MKKS: variants seen among roughly 807,000 people sequenced by gnomAD.
MKKS encodes MKKS centrosomal shuttling protein.
In MKKS, 29 loss-of-function variants were observed where a neutral mutation model predicts 33.2. The observed-to-expected ratio is 0.87, with a 90% CI of 0.65 to 1.19. The LOEUF (loss-of-function observed/expected upper bound fraction) is 1.19, where lower values mean the gene tolerates loss of function less well. MKKS is among the 50% of genes most tolerant of loss of function. The pLI is 0.00. For missense variants in MKKS, 661 were observed against 662.3 expected (o/e 1.00, Z 0.02); for synonymous variants, 260 against 244.0 (o/e 1.07, Z -0.61).
At position 10,405,558 on chromosome 20, in the gene MKKS, TTTCACCTCCATCATGTTCTAAA is replaced by T; in HGVS notation, c.1380_1401del (p.Leu461PhefsTer5). On this transcript the variant is annotated frameshift_variant, in exon 6 of 6. Transcript: ENST00000347364. LOFTEE classifies it high-confidence loss of function. ...TGTCCATACTTCATGTCAGTGAGAA[TTTCACCTCCATCATGTTCTAAA>T]GAGCCAACAACAGATTCTAGGGCAC... The T allele has an allele frequency of 6.2e-7, 1 of 1,614,152 alleles. No homozygotes were observed. The highest frequency in any genetic ancestry group is 8.5e-7 in the Non-Finnish European group (1 of 1,180,018).
chr20:10,414,737 T>C (rs1401666651), intron 2 of MKKS, among the ~76,000 whole-genome samples: 1 of 152,210 alleles, frequency 6.6e-6, no homozygotes, highest in Admixed American at 6.5e-5. Flanking sequence ...GCTGTTGGCA[T>C]GTCTACTGCA....
chr20:10,433,101 T>G (rs914460843), intron 1 of MKKS, among the ~76,000 whole-genome samples: 1 of 152,226 alleles, frequency 6.6e-6, no homozygotes, highest in Admixed American at 6.5e-5. Context: ...CCTCCAGGGC[T>G]CAAGCGATTC....
At position 10,412,635 on chromosome 20, in the gene MKKS, G is replaced by T; in HGVS notation, c.880C>A (p.Gln294Lys). ...TTCAAAGATGGATGTATAACTTTTT[G>T]GCACAGGACAAGATCTACGTGGTCA... ...ISDHVDLVLC[Q>K]KVIHPSLKQF... The change falls in exon 3 of 6, where the codon CAA becomes AAA. Residue 294 changes from glutamine to lysine, a missense_variant. Transcript: ENST00000347364. 6.2e-7 allele frequency: 1 copy of T among 1,614,102 alleles called. No homozygotes were observed. Among genetic ancestry groups the T allele is most frequent in the African/African-American group, 1.3e-5 (1 of 75,024 alleles).
chr20:10,414,574 G>A (rs2064923379), intron 2 of MKKS, among the ~76,000 whole-genome samples: 1 of 152,086 alleles, frequency 6.6e-6, no homozygotes, highest in African/African-American at 2.4e-5. Flanking sequence ...AAGTCTCTGA[G>A]TCTTAAAAGA....
chr20:10,409,098 C>T (rs2064862567), intron 3 of MKKS, among the ~76,000 whole-genome samples: 1 of 152,142 alleles, frequency 6.6e-6, no homozygotes. Flanking sequence ...ATTTTGCATA[C>T]ATTTTCAAGG....
chr20:10,418,268 A>C (rs374013320), intron 2 of MKKS, among the ~76,000 whole-genome samples: 3 of 152,342 alleles, frequency 2.0e-5, no homozygotes, highest in South Asian at 4.1e-4. Context: ...GCTGTTAACT[A>C]TTAAAGCTGG....
At chr20:10,424,678 C>T (rs1003497320) in intron 1 of MKKS, among the ~76,000 whole-genome samples, 3 of 152,124 alleles carry the variant, frequency 2.0e-5, no homozygotes, top group African/African-American at 7.2e-5. Context: ...AGAGCTTTTA[C>T]TTACAATCAA....
At position 10,434,214 on chromosome 20, in the gene MKKS, C is replaced by G. The variant is rs1229516663; in HGVS notation, c.-755G>C. On this transcript the variant is annotated 5_prime_UTR_variant, in exon 1 of 6. Transcript: ENST00000347364. Reference sequence around the variant, plus strand: ...GGATCCCGACAACCTTCGCGTCGCGCGAGGGCACGGAGCACGCGCAGCTCT... The same window carrying G: ...GGATCCCGACAACCTTCGCGTCGCGGGAGGGCACGGAGCACGCGCAGCTCT... 1 of 152,274 alleles carries G rather than the reference C, an allele frequency of 6.6e-6. No homozygotes were observed. Among genetic ancestry groups the G allele is most frequent in the Non-Finnish European group, 1.5e-5 (1 of 68,086 alleles). 9.4% of individuals were successfully genotyped at this position (152,274 alleles called of 1,614,324 possible).
At chr20:10,431,945 G>GGA (rs1555803373) in intron 1 of MKKS, 2 of 120,878 alleles carry the variant, frequency 1.7e-5, no homozygotes, top group African/African-American at 6.1e-5. Context: ...TTATTCTCTA[G>GGA]CACGTGATTC....
At chr20:10,417,566 T>C (rs1372085136) in intron 2 of MKKS, among the ~76,000 whole-genome samples, 1 of 152,144 alleles carries the variant, frequency 6.6e-6, no homozygotes, top group Non-Finnish European at 1.5e-5. Context: ...AGCTATGATA[T>C]GTTACTGCAC....
chr20:10,430,580 C>A (rs2065048053), intron 1 of MKKS, among the ~76,000 whole-genome samples: 1 of 152,216 alleles, frequency 6.6e-6, no homozygotes, highest in Non-Finnish European at 1.5e-5. Context: ...AGGCCCACTT[C>A]TCTGGGCAGT....
At chr20:10,426,498 T>G (rs905027243) in intron 1 of MKKS, among the ~76,000 whole-genome samples, 1 of 150,134 alleles carries the variant, frequency 6.7e-6, no homozygotes, top group South Asian at 2.1e-4. Context: ...ATGCCAGATT[T>G]AAGGGATTCT....
chr20:10,413,505 A>G lies in MKKS; in HGVS notation c.10T>C (p.Leu4=). 1.2e-6 allele frequency: 2 copies of G among 1,614,176 alleles called. No individual in the cohort carries two copies. Among genetic ancestry groups the G allele is most frequent in the Non-Finnish European group, 1.7e-6 (2 of 1,180,038 alleles). ...CACAATGATGGCTTCTTAGCTTCCA[A>G]ACGAGACATCTTACTTCAGGTGGTA... MSR[L]EAKKPSLCKS... The change falls in exon 3 of 6, where the codon TTG becomes CTG. Residue 4 remains leucine (L), a synonymous_variant. Transcript: ENST00000347364.
chr20:10,433,668 A>G (rs1031151652), intron 1 of MKKS, among the ~76,000 whole-genome samples: 7 of 152,092 alleles, frequency 4.6e-5, no homozygotes, highest in African/African-American at 1.7e-4. Context: ...CACGCTGCAC[A>G]ACGTCTCTAA....
intron 2 of MKKS, 48 bp from the exon 3 acceptor site, chr20:10,413,979 T>A: frequency 5.0e-6 from 2 of 400,840 alleles, no homozygotes; most frequent in Non-Finnish European, 8.8e-6. Flanking sequence ...TCCCAAGCAG[T>A]TTGTAGACTG....
rs2064900610 is a variant in MKKS, at chr20:10,412,764, C to G, written c.751G>C (p.Asp251His). 1.2e-6 allele frequency: 2 copies of G among 1,614,168 alleles called. No homozygotes were observed. The highest frequency in any genetic ancestry group is 1.7e-6 in the Non-Finnish European group (2 of 1,180,030). Residue 251 changes from aspartate (D) to histidine (H), a missense_variant, in exon 3 of 6, where the codon GAC (aspartate) becomes CAC (histidine). Transcript: ENST00000347364. ...VALFCTTLSGDTSDTGEGTVV... is the reference protein window; with the variant it reads ...VALFCTTLSGHTSDTGEGTVV... ...GTTCCTTCTCCAGTGTCAGAAGTGT[C>G]TCCGGATAAAGTTGTACAAAAGAGT...
chr20:10,427,047 C>G lies in MKKS; in HGVS notation c.-648-6289G>C, dbSNP rs1056674443. ...AAACACTGACACACACACACACACA[C>G]ACACACACACACACACACACACACA... On this transcript the variant is annotated intron_variant, in intron 1 of 5. Transcript: ENST00000347364. 1.4e-3 allele frequency among the ~76,000 whole-genome samples: 192 copies of G among 138,094 alleles called. 1 individual carries two copies. Among genetic ancestry groups the G allele is most frequent in the African/African-American group, 4.7e-3 (182 of 38,608 alleles). The allele number at this position is 138,094 out of a possible 152,430, so 90.6% of individuals were successfully genotyped here.
intron 1 of MKKS, among the ~76,000 whole-genome samples, chr20:10,423,022 A>G (rs1327999596): frequency 6.6e-6 from 1 of 151,898 alleles, no homozygotes; most frequent in African/African-American, 2.4e-5. Flanking sequence ...TTCAAGTCAC[A>G]TTACTTTTAA....
intron 3 of MKKS, among the ~76,000 whole-genome samples, chr20:10,409,016 T>C (rs879711516): frequency 1.3e-5 from 2 of 152,200 alleles, no homozygotes; most frequent in East Asian, 3.9e-4. Flanking sequence ...AGAAGTTATT[T>C]TTGTTTACAG....
Sources: gnomAD v4.1 joint callset for allele counts (sites outside exome capture counted in the v4.1 genomes callset) on GRCh38, gnomAD v4.1.1 for gene constraint, MANE v1.5 for transcripts, NCBI Gene and HGNC (gene_info 2026-07-23, HGNC 2026-07-21) for gene names.